Variants in REEP1 observed in about 807,000 individuals in gnomAD.
REEP1 encodes the protein receptor expression-enhancing protein 1.
REEP1 carries 22 observed loss-of-function variants against 40.3 expected under a neutral mutation model. The ratio of observed to expected loss-of-function variants is 0.55; its 90% CI spans 0.39 to 0.78. REEP1 has a LOEUF of 0.78. REEP1 is among the 30% of genes least tolerant of loss of function. The probability of loss-of-function intolerance (pLI) is 0.00; values close to 1 mark genes in which losing one functional copy is unlikely to be tolerated. For synonymous variants in REEP1, 116 were observed against 139.2 expected, an observed-to-expected ratio of 0.83 and a Z score of 1.17; for missense variants, 280 against 361.1, an observed-to-expected ratio of 0.78 and a Z score of 1.82.
At position 86,337,551 on chromosome 2, in the gene REEP1, G is replaced by C. The variant is rs1479228434; in HGVS notation, c.-41C>G. 1.6e-6 allele frequency: 2 copies of C among 1,222,892 alleles called. No homozygotes were observed. Among genetic ancestry groups the C allele is most frequent in the South Asian group, 3.6e-5 (1 of 28,032 alleles). The allele number at this position is 1,222,892 out of a possible 1,614,324, so 75.8% of individuals were successfully genotyped here. ...GGGCGAGGCCCGGGCGGCGCGGCTC[G>C]GCTAGGCTGCGGGCGGCGCGGGCTG... On this transcript the variant is annotated 5_prime_UTR_variant, in exon 1 of 9. Transcript: ENST00000538924. This position sits in a 1 kb window ranked among gnomAD's most constrained non-coding sequence, Gnocchi z 5.8.
intron 5 of REEP1, among the ~76,000 whole-genome samples, chr2:86,239,271 A>G (rs543444987): frequency 6.6e-6 from 1 of 151,432 alleles, no homozygotes; most frequent in East Asian, 1.9e-4. Context: ...ACAGCAACAC[A>G]GAACTAAGAA....
chr2:86,273,246 A>G (rs973160370), intron 2 of REEP1, among the ~76,000 whole-genome samples: 2 of 148,794 alleles, frequency 1.3e-5, no homozygotes, highest in African/African-American at 2.5e-5. Flanking sequence ...AATTCCTTAC[A>G]TTGGCTTATG....
intron 1 of REEP1, among the ~76,000 whole-genome samples, chr2:86,313,810 C>G (rs1679870013): frequency 6.6e-6 from 1 of 152,118 alleles, no homozygotes; most frequent in Admixed American, 6.5e-5. Context: ...GAGCACAGGC[C>G]CTGGGAGCAG....
At chr2:86,233,367 A>C (rs1321096920) in intron 5 of REEP1, among the ~76,000 whole-genome samples, 1 of 152,222 alleles carries the variant, frequency 6.6e-6, no homozygotes, top group Non-Finnish European at 1.5e-5. Flanking sequence ...AGGCACATTT[A>C]CTTCTGCTGG....
intron 4 of REEP1, among the ~76,000 whole-genome samples, chr2:86,253,305 T>G (rs1676385726): frequency 6.6e-6 from 1 of 151,454 alleles, no homozygotes; most frequent in Admixed American, 6.6e-5. Flanking sequence ...AAAAGGCTGT[T>G]TTTCATGACA....
Position 86,232,822 on chromosome 2 carries a change from G to T in REEP1, c.418-20C>A. ...CTGTCCCTGGATACAACACAGGAGG[G>T]GCACACGTCAGAGGTCCTGCTCCAC... On this transcript the variant is annotated intron_variant, in intron 5 of 8. Transcript: ENST00000538924. 6.3e-7 allele frequency: 1 copy of T among 1,597,382 alleles called. No homozygotes were observed.
chr2:86,337,281 C>T lies in REEP1; in HGVS notation c.32+198G>A, dbSNP rs567383297. On this transcript the variant is annotated intron_variant, in intron 1 of 8. Coordinates refer to ENST00000538924, the MANE Select transcript of REEP1 (RefSeq NM_001371279.1). The surrounding 1 kb of genome is among the most constrained non-coding windows in gnomAD (Gnocchi z 5.8). ...CGCAAGCGGCCGCCGGCGCCGGCTG[C>T]CTCCTGGGCAGCAGCCGCGTCCTGC... 4.8e-3 allele frequency: 1,435 copies of T among 298,952 alleles called. 30 individuals are homozygous for T. The highest frequency in any genetic ancestry group is 0.03 in the African/African-American group (1,325 of 44,838). The allele number at this position is 298,952 out of a possible 1,614,324, so 18.5% of individuals were successfully genotyped here.
chr2:86,264,402 G>A (rs1337490279), intron 2 of REEP1, among the ~76,000 whole-genome samples: 2 of 152,056 alleles, frequency 1.3e-5, no homozygotes, highest in Non-Finnish European at 2.9e-5. Flanking sequence ...AGTGTAACTG[G>A]GCCACACTCT....
intron 5 of REEP1, among the ~76,000 whole-genome samples, chr2:86,246,403 G>T (rs1675957759): frequency 6.6e-6 from 1 of 152,164 alleles, no homozygotes; most frequent in Non-Finnish European, 1.5e-5. Context: ...CAGAATGCTG[G>T]TTTTACTTAG....
At chr2:86,253,449 C>G (rs1161886599) in intron 4 of REEP1, among the ~76,000 whole-genome samples, 1 of 152,126 alleles carries the variant, frequency 6.6e-6, no homozygotes, top group Non-Finnish European at 1.5e-5. Flanking sequence ...GGAAGGCTTC[C>G]CCAGGAAGTC....
rs183734823 is a variant in REEP1, at chr2:86,238,105, C to T, written c.418-5303G>A. Among the ~76,000 whole-genome samples the T allele has an allele frequency of 4.2e-3, 643 of 152,240 alleles. 10 individuals are homozygous for T. Among genetic ancestry groups the T allele is most frequent in the African/African-American group, 0.015 (622 of 41,540 alleles). ...CTGAGGCAGGAGAATCGCTTGAACC[C>T]GGGAGGCAGAGGTTGAGGTGAGCCG... On this transcript the variant is annotated intron_variant, in intron 5 of 8. Transcript: ENST00000538924.
At chr2:86,291,024 T>C (rs1678667164) in intron 1 of REEP1, among the ~76,000 whole-genome samples, 1 of 152,240 alleles carries the variant, frequency 6.6e-6, no homozygotes, top group African/African-American at 2.4e-5. Flanking sequence ...TTAACCTTCA[T>C]GTGAGACAGG....
At chr2:86,300,661 G>A (rs984259994) in intron 1 of REEP1, among the ~76,000 whole-genome samples, 5 of 152,122 alleles carry the variant, frequency 3.3e-5, no homozygotes, top group East Asian at 3.9e-4. Context: ...TCCCAGGGCC[G>A]CATGACTCAG....
At chr2:86,286,133 T>G (rs1235100024) in intron 1 of REEP1, among the ~76,000 whole-genome samples, 1 of 152,136 alleles carries the variant, frequency 6.6e-6, no homozygotes, top group African/African-American at 2.4e-5. Flanking sequence ...TCACTCCTCC[T>G]CTTGCTCCAA....
intron 3 of REEP1, among the ~76,000 whole-genome samples, chr2:86,256,976 G>T (rs12466728): frequency 6.6e-6 from 1 of 151,846 alleles, no homozygotes; most frequent in Non-Finnish European, 1.5e-5. Flanking sequence ...CCTTACCCAC[G>T]CCTCCTTTCC....
At chr2:86,334,950 T>C (rs975734075) in intron 1 of REEP1, among the ~76,000 whole-genome samples, 19 of 152,350 alleles carry the variant, frequency 1.2e-4, no homozygotes, top group African/African-American at 4.1e-4. Context: ...TGCTCTGATC[T>C]GAGTTGTGAA....
chr2:86,336,392 G>A (rs1418772718), intron 1 of REEP1, among the ~76,000 whole-genome samples: 1 of 152,122 alleles, frequency 6.6e-6, no homozygotes, highest in Non-Finnish European at 1.5e-5. Flanking sequence ...GATGGGTGGT[G>A]TTTCAAAACG....
chr2:86,289,776 A>G (rs1176507703), intron 1 of REEP1, among the ~76,000 whole-genome samples: 1 of 151,894 alleles, frequency 6.6e-6, no homozygotes, highest in Non-Finnish European at 1.5e-5. Flanking sequence ...TAGGCACTTT[A>G]GGTTTTGGGG....
At chr2:86,252,229 G>A (rs1449061889) in intron 4 of REEP1, among the ~76,000 whole-genome samples, 159 bp from the exon 5 acceptor site, 2 of 152,142 alleles carry the variant, frequency 1.3e-5, no homozygotes, top group East Asian at 1.9e-4. Flanking sequence ...GTGCAGAGGG[G>A]AGAGCAGAGA....
Sources: gnomAD v4.1 joint callset for allele counts (sites outside exome capture counted in the v4.1 genomes callset) on GRCh38, gnomAD v4.1.1 for gene constraint, Gnocchi (gnomAD v3.1) non-coding constraint, MANE v1.5 for transcripts, NCBI Gene and HGNC (gene_info 2026-07-23, HGNC 2026-07-21) for gene names.